The following ZNF469 variants were observed in gnomAD, a reference collection of about 807,000 sequenced individuals.
ZNF469 encodes the protein zinc finger protein 469.
ZNF469 carries 1 observed loss-of-function variant against 1.0 expected under a neutral mutation model. The ratio of observed to expected loss-of-function variants is 1.00; its 90% CI spans 0.35 to 4.73. The LOEUF is 4.73. Ranked by LOEUF, ZNF469 falls within the 30% of genes most tolerant of loss-of-function variation. ZNF469 has a pLI of 0.16. For missense variants in ZNF469, 6,100 were observed against 5,356.3 expected (o/e 1.14, Z -4.33); for synonymous variants, 2,703 against 2,363.4 (o/e 1.14, Z -4.17).
At chr16:88,311,658 G>C in the ZNF469 span, among the ~76,000 whole-genome samples, 1 of 152,188 alleles carries the variant, frequency 6.6e-6, no homozygotes, top group Non-Finnish European at 1.5e-5. Flanking sequence ...TTTCAGGGCT[G>C]TCCCTGCAGC....
the ZNF469 span, among the ~76,000 whole-genome samples, chr16:88,251,568 T>G: frequency 1.1e-5 from 1 of 87,140 alleles, no homozygotes; most frequent in African/African-American, 4.6e-5. Context: ...TTTTTTTTTT[T>G]TTTTTTTTGA....
chr16:88,402,688 C>T (rs1904916046), intron 1 of ZNF469, among the ~76,000 whole-genome samples: 1 of 152,180 alleles, frequency 6.6e-6, no homozygotes, highest in Admixed American at 6.5e-5. Flanking sequence ...TCATGCCAGG[C>T]CAGCCCTGCC....
At chr16:88,334,044 C>G in the ZNF469 span, among the ~76,000 whole-genome samples, 2 of 146,588 alleles carry the variant, frequency 1.4e-5, no homozygotes, top group African/African-American at 5.1e-5. Context: ...ATGTGTGTCT[C>G]TGTGTGTCTG....
At chr16:88,381,363 T>G, upstream of ZNF469, among the ~76,000 whole-genome samples, 1 of 109,902 alleles carries the variant, frequency 9.1e-6, no homozygotes, top group South Asian at 3.4e-4. Flanking sequence ...TATACACACA[T>G]GCACTCACAC....
the ZNF469 span, among the ~76,000 whole-genome samples, chr16:88,121,079 A>G: frequency 7.6e-6 from 1 of 131,224 alleles, no homozygotes; most frequent in South Asian, 2.7e-4. Flanking sequence ...TGGGTGCTGC[A>G]TGAGGCACCT....
chr16:88,346,806 G>C, the ZNF469 span, among the ~76,000 whole-genome samples: 7 of 152,222 alleles, frequency 4.6e-5, no homozygotes, highest in Non-Finnish European at 1.0e-4. Context: ...CTCAGGCAGC[G>C]AGCTGGCCCT....
chr16:88,420,393 G>A (rs576421007), intron 1 of ZNF469, among the ~76,000 whole-genome samples: 167 of 152,366 alleles, frequency 1.1e-3, no homozygotes, highest in African/African-American at 3.9e-3. Context: ...GTGGGACTGC[G>A]TGAGCGTTGA....
At chr16:88,141,908 G>C in the ZNF469 span, among the ~76,000 whole-genome samples, 2 of 152,358 alleles carry the variant, frequency 1.3e-5, no homozygotes, top group East Asian at 3.9e-4. Context: ...CTCCGTGAGA[G>C]CCGGTTGGGC....
chr16:88,130,606 T>A, the ZNF469 span, among the ~76,000 whole-genome samples: 1 of 149,154 alleles, frequency 6.7e-6, no homozygotes, highest in Non-Finnish European at 1.5e-5. Context: ...CTCGGGAGGC[T>A]GAGGTAGGAG....
chr16:88,432,723 G>T lies in ZNF469; in HGVS notation c.5253G>T (p.Lys1751Asn). Residue 1751 changes from lysine (K) to asparagine (N), a missense_variant, in exon 3 of 3, where the codon AAG becomes AAT. Coordinates refer to ENST00000565624, the MANE Select transcript of ZNF469 (RefSeq NM_001367624.2). ...CCGACCAGGAACTTTCATTTCCTAA[G>T]AATAAGGAGGCCGCCAGCTCACAAG... ...CSPDQELSFP[K>N]NKEAASSQES... 6.4e-7 allele frequency: 1 copy of T among 1,550,410 alleles called. No homozygotes were observed.
At chr16:88,409,490 G>A (rs1355185922) in intron 1 of ZNF469, among the ~76,000 whole-genome samples, 1 of 152,120 alleles carries the variant, frequency 6.6e-6, no homozygotes, top group African/African-American at 2.4e-5. Context: ...GACACAGGCG[G>A]GTCACCCACG....
chr16:88,360,799 T>C, the ZNF469 span, among the ~76,000 whole-genome samples: 407 of 120,736 alleles, frequency 3.4e-3, 4 homozygotes, highest in African/African-American at 0.011. Context: ...CCCCAGACAG[T>C]GCCCGCGTGC....
chr16:88,430,892 C>A lies in ZNF469; in HGVS notation c.3422C>A (p.Ala1141Glu). The A allele has an allele frequency of 6.5e-7, 1 of 1,537,608 alleles. No homozygotes were observed. The highest frequency in any genetic ancestry group is 8.7e-7 in the Non-Finnish European group (1 of 1,145,980). The change falls in exon 3 of 3, where the codon GCG (alanine) becomes GAG (glutamate). Residue 1141 changes from alanine to glutamate, a missense_variant. Coordinates refer to ENST00000565624, the MANE Select transcript of ZNF469 (RefSeq NM_001367624.2). Reference protein sequence around the residue: ...REDEPQKPRKAARQEAGGDGA... With the variant: ...REDEPQKPRKEARQEAGGDGA... ...GATGAGCCACAGAAACCCCGGAAGGCGGCGAGGCAGGAAGCCGGCGGGGAC... is the reference window on the plus strand; with the variant it reads ...GATGAGCCACAGAAACCCCGGAAGGAGGCGAGGCAGGAAGCCGGCGGGGAC...
chr16:88,415,913 C>G (rs557881296), intron 1 of ZNF469, among the ~76,000 whole-genome samples: 1 of 152,370 alleles, frequency 6.6e-6, no homozygotes, highest in African/African-American at 2.4e-5. Context: ...GCACGCAGCC[C>G]GGCCCCTCCC....
chr16:88,112,776 T>TTC, the ZNF469 span, among the ~76,000 whole-genome samples: 1 of 124,232 alleles, frequency 8.0e-6, no homozygotes, highest in Admixed American at 7.9e-5. Flanking sequence ...CAGAAGCTTT[T>TTC]TTTTTTTTTT....
At chr16:88,326,799 G>T in the ZNF469 span, among the ~76,000 whole-genome samples, 1 of 152,170 alleles carries the variant, frequency 6.6e-6, no homozygotes, top group Admixed American at 6.5e-5. Context: ...GGCAGCACTC[G>T]GGCCGGTCCT....
At chr16:88,280,170 C>T in the ZNF469 span, among the ~76,000 whole-genome samples, 4 of 151,304 alleles carry the variant, frequency 2.6e-5, no homozygotes, top group African/African-American at 9.8e-5. Context: ...ACGGTTAGTG[C>T]TGCACCACGC....
At chr16:88,234,267 C>G in the ZNF469 span, among the ~76,000 whole-genome samples, 5 of 152,356 alleles carry the variant, frequency 3.3e-5, no homozygotes, top group East Asian at 9.6e-4. Context: ...CGTGGCCTCC[C>G]TCTTGAGTGA....
the ZNF469 span, among the ~76,000 whole-genome samples, chr16:88,266,909 A>G: frequency 6.6e-6 from 1 of 152,310 alleles, no homozygotes; most frequent in South Asian, 2.1e-4. Flanking sequence ...CACACTTTGT[A>G]TGATCAGTGT....
Sources: allele counts gnomAD v4.1 joint callset (sites outside exome capture counted in the v4.1 genomes callset), GRCh38; gene constraint gnomAD v4.1.1; transcripts MANE v1.5; gene names NCBI Gene and HGNC (gene_info 2026-07-23, HGNC 2026-07-21).